Variants in PGGHG observed in about 807,000 individuals in gnomAD.
PGGHG encodes the protein ATH1, acid trehalase-like 1.
Under a neutral mutation model 74.5 loss-of-function variants are expected in PGGHG, and 67 were observed. The ratio of observed to expected loss-of-function variants is 0.90; its 90% CI spans 0.74 to 1.10. The LOEUF is 1.10. Ranked by LOEUF, PGGHG falls within the 50% of genes least tolerant of loss-of-function variation. PGGHG has a pLI of 0.00. For synonymous variants in PGGHG, 496 were observed against 419.9 expected (o/e 1.18, Z -2.21); for missense variants, 1,034 against 981.5 (o/e 1.05, Z -0.72).
rs1564841015 is a variant in PGGHG, at chr11:292,587, G to A, written c.1068G>A (p.Glu356=). ...FAWESADSGL[E]VCPEDIYGVQ... ...GGGAGAGTGCAGACTCCGGCCTAGA[G>A]GTTTGCCCTGAGGACATTTACGGAG... The change falls in exon 6 of 14, where the codon GAG becomes GAA. Residue 356 remains glutamate (E), a synonymous_variant. Coordinates refer to ENST00000409548, the MANE Select transcript of PGGHG (RefSeq NM_025092.5). The A allele has an allele frequency of 6.2e-7, 1 of 1,613,640 alleles. No homozygotes were observed. The highest frequency in any genetic ancestry group is 1.1e-5 in the South Asian group (1 of 91,090).
chr11:292,967 A>G lies in PGGHG; in HGVS notation c.1240A>G (p.Ser414Gly), dbSNP rs1845770195. The G allele has an allele frequency of 6.2e-7, 1 of 1,613,390 alleles. No homozygotes were observed. Among genetic ancestry groups the G allele is most frequent in the Admixed American group, 1.7e-5 (1 of 59,900 alleles). Reference protein sequence around the residue: ...AEFWCSRVEWSPREEKYHLRG... With the variant: ...AEFWCSRVEWGPREEKYHLRG... ...GTTTTGGTGCAGTCGTGTTGAGTGG[A>G]GCCCCAGGGAGGAAAAGTACCACCT... The change falls in exon 7 of 14, where the codon AGC becomes GGC. Residue 414 changes from serine to glycine, a missense_variant. Ser to Gly is a moderately conservative substitution (Grantham distance 56, BLOSUM62 0). Transcript: ENST00000409548.
At position 291,981 on chromosome 11, in the gene PGGHG, C is replaced by G. The variant is rs767709994; in HGVS notation, c.912C>G (p.Leu304=). The part of the protein sequence containing the change: ...YWGHVFWDQD[L]WMFPSILMFH... ...ACGAGGGACCGTGCTCTCAGGACCT[C>G]TGGATGTTCCCGAGTATCCTGATGT... Residue 304 remains leucine, a synonymous_variant, in exon 5 of 14, where the codon CTC becomes CTG. Coordinates refer to ENST00000409548, the MANE Select transcript of PGGHG (RefSeq NM_025092.5). The G allele has an allele frequency of 9.3e-6, 15 of 1,609,500 alleles. No homozygotes were observed. In the African/African-American group the frequency reaches 2.0e-4, roughly 22 times the overall value.
Position 294,291 on chromosome 11 carries a change from T to C in PGGHG, c.1833T>C (p.Phe611=). The C allele has an allele frequency of 6.2e-7, 1 of 1,610,982 alleles. No homozygotes were observed. Among genetic ancestry groups the C allele is most frequent in the Non-Finnish European group, 8.5e-7 (1 of 1,178,720 alleles). Reference sequence around the variant, plus strand: ...GGGTCACCCGAGCGGGTGTGACCTTTGACCCTGTGTGTCTGTCGGGGATCT... The same window carrying C: ...GGGTCACCCGAGCGGGTGTGACCTTCGACCCTGTGTGTCTGTCGGGGATCT... ...GFRVTRAGVT[F]DPVCLSGISR... The change falls in exon 13 of 14, where the codon TTT becomes TTC. Residue 611 remains phenylalanine (F), a synonymous_variant. Coordinates refer to ENST00000409548, the MANE Select transcript of PGGHG (RefSeq NM_025092.5).
chr11:291,194 G>T, intron 4 of PGGHG, 81 bp downstream of exon 4: 1 of 1,461,458 alleles, frequency 6.8e-7, no homozygotes, highest in Non-Finnish European at 9.2e-7. Flanking sequence ...TGGGACCAGG[G>T]CTATGGTTGG....
rs1845749762 is a variant in PGGHG at position 292,417 on chromosome 11, A to G, written c.1027-129A>G. On this transcript the variant is annotated intron_variant, in intron 5 of 13. Coordinates refer to ENST00000409548, the MANE Select transcript of PGGHG (RefSeq NM_025092.5). ...CGTGAGGACGTGCAGTGGGCCTTCTAGCAGTAGCACCCGCCAGGGTACCTG... is the reference window on the plus strand; with the variant it reads ...CGTGAGGACGTGCAGTGGGCCTTCTGGCAGTAGCACCCGCCAGGGTACCTG... The G allele has an allele frequency of 4.1e-6, 5 of 1,226,832 alleles. No homozygotes were observed. The East Asian group carries it at 1.2e-4, about 30-fold the overall frequency. 76.0% of individuals were successfully genotyped at this position (1,226,832 alleles called of 1,614,324 possible).
At position 294,083 on chromosome 11, in the gene PGGHG, G is replaced by GTGGA; in HGVS notation, c.1711-16_1711-15insTGGA. 2 of 1,595,534 alleles carry GTGGA rather than the reference G, an allele frequency of 1.3e-6. No individual in the cohort carries two copies. The highest frequency in any genetic ancestry group is 1.1e-5 in the South Asian group (1 of 88,606). ...TGACCTGGGGGTCCTGGTGTCAGCT[G>GTGGA]CCCTTGCCCCTGCAGGTGTGGACGG... On this transcript the variant is annotated splice_polypyrimidine_tract_variant and intron_variant, in intron 11 of 13. Coordinates refer to ENST00000409548, the MANE Select transcript of PGGHG (RefSeq NM_025092.5).
intron 5 of PGGHG, among the ~76,000 whole-genome samples, chr11:292,328 G>A (rs908306941): frequency 1.4e-4 from 21 of 152,098 alleles, no homozygotes; most frequent in African/African-American, 5.1e-4. Flanking sequence ...ACCCCCTGGG[G>A]TGCCCTTGCT....
In PGGHG at chr11:290,668, G is replaced by A. The variant is rs775861335; in HGVS notation, c.471-10G>A. Reference sequence around the variant, plus strand: ...GAGCTCATCCCTGAGGCATGGCCACGCTCTCACAGGTACCTGTATGGCCAC... The same window carrying A: ...GAGCTCATCCCTGAGGCATGGCCACACTCTCACAGGTACCTGTATGGCCAC... On this transcript the variant is annotated splice_polypyrimidine_tract_variant and intron_variant, in intron 3 of 13. Coordinates refer to ENST00000409548, the MANE Select transcript of PGGHG (RefSeq NM_025092.5). 5.3e-5 allele frequency: 85 copies of A among 1,609,142 alleles called. No homozygotes were observed. The Middle Eastern group carries it at 1.0e-3, about 19-fold the overall frequency.
Position 290,777 on chromosome 11 carries a change from G to A in PGGHG, c.570G>A (p.Gly190=), listed in dbSNP as rs1274017518. The A allele has an allele frequency of 6.2e-7, 1 of 1,612,692 alleles. No individual in the cohort carries two copies. Among genetic ancestry groups the A allele is most frequent in the Non-Finnish European group, 8.5e-7 (1 of 1,179,834 alleles). ...CAGCACCCCCAGACCTGACCCTTGGGGAAGGTGAGGAGGCTAGGACGTGGG... is the reference window on the plus strand; with the variant it reads ...CAGCACCCCCAGACCTGACCCTTGGAGAAGGTGAGGAGGCTAGGACGTGGG... The part of the protein sequence containing the change: ...WTPAPPDLTL[G]EGEEARTWDF... Residue 190 remains glycine (G), a synonymous_variant, in exon 4 of 14, where the codon GGG becomes GGA. Transcript: ENST00000409548.
chr11:294,417 C>G lies in PGGHG; in HGVS notation c.1959C>G (p.Pro653=). The G allele has an allele frequency of 6.2e-7, 1 of 1,613,098 alleles. No homozygotes were observed. Among genetic ancestry groups the G allele is most frequent in the South Asian group, 1.1e-5 (1 of 91,076 alleles). The change falls in exon 13 of 14, where the codon CCC becomes CCG. Residue 653 remains proline (P), a synonymous_variant. Coordinates refer to ENST00000409548, the MANE Select transcript of PGGHG (RefSeq NM_025092.5). ...VTVEVTARAG[P]WAPHLEAELW... ...TGGAGGTCACAGCTCGAGCAGGGCC[C>G]TGGGCTCCTCACCTGGAGGCTGAGC...
chr11:290,104 GC>G, intron 2 of PGGHG, 29 bp downstream of exon 2: 1 of 1,500,246 alleles, frequency 6.7e-7, no homozygotes. Flanking sequence ...CCTCACCCCT[GC>G]CCCAGGCATT....
At position 294,541 on chromosome 11, in the gene PGGHG, CCT is replaced by C. The variant is rs1412234699; in HGVS notation, c.2021-9_2021-8del. ...CAGGCTGCCCCTCACCCCCAGGCTG[CCT>C]CTCTCCCTGCAGGACACAAGGTCTC... On this transcript the variant is annotated splice_polypyrimidine_tract_variant and intron_variant, in intron 13 of 13. Transcript: ENST00000409548. The C allele has an allele frequency of 6.2e-7, 1 of 1,600,594 alleles. No individual in the cohort carries two copies. The highest frequency in any genetic ancestry group is 1.7e-4 in the Middle Eastern group (1 of 5,978).
rs1206833449 is a variant in PGGHG, at chr11:294,395, A to G, written c.1937A>G (p.Glu646Gly). Residue 646 changes from glutamate to glycine, a missense_variant, in exon 13 of 14, where the codon GAG (glutamate) becomes GGG (glycine). By Grantham distance (98) the Glu-to-Gly change is moderately conservative. Coordinates refer to ENST00000409548, the MANE Select transcript of PGGHG (RefSeq NM_025092.5). ...TTTTCCGAGGACTCCGTGACCGTGG[A>G]GGTCACAGCTCGAGCAGGGCCCTGG... is the stretch of plus-strand genomic sequence containing the variant. ...FSFSEDSVTV[E>G]VTARAGPWAP... 1.2e-6 allele frequency: 2 copies of G among 1,612,192 alleles called. No homozygotes were observed. Among genetic ancestry groups the G allele is most frequent in the Middle Eastern group, 3.3e-4 (2 of 6,060 alleles).
At position 295,052 on chromosome 11, in the gene PGGHG, G is replaced by T; in HGVS notation, c.*303G>T. The T allele has an allele frequency of 3.5e-6, 1 of 283,302 alleles. No homozygotes were observed. 17.5% of individuals were successfully genotyped at this position (283,302 alleles called of 1,614,324 possible). ...GCTCCTGAAGCCGGGGTCTGAGCCT[G>T]CATCACCTCTGGCCTCTCATCCCCC... On this transcript the variant is annotated 3_prime_UTR_variant, in exon 14 of 14. Transcript: ENST00000409548.
chr11:291,532 G>A lies in PGGHG; in HGVS notation c.906+419G>A, dbSNP rs973646037. 4.4e-5 allele frequency: 11 copies of A among 248,702 alleles called. No individual in the cohort carries two copies. The Admixed American group carries it at 4.5e-4, about 10-fold the overall frequency. The allele number at this position is 248,702 out of a possible 1,614,324, so 15.4% of individuals were successfully genotyped here. A position where few individuals can be genotyped will look rare whatever the true frequency, so the allele number is the denominator to read the frequency against. On this transcript the variant is annotated intron_variant, in intron 4 of 13. Coordinates refer to ENST00000409548, the MANE Select transcript of PGGHG (RefSeq NM_025092.5). ...GGTACTGGAGGCCGACGGGGGTGACGGGGACGCTGAGGGCACAGAGCGGAG... is the reference window on the plus strand; with the variant it reads ...GGTACTGGAGGCCGACGGGGGTGACAGGGACGCTGAGGGCACAGAGCGGAG...
chr11:291,252 A>C lies in PGGHG; in HGVS notation c.906+139A>C, dbSNP rs1472329418. The C allele has an allele frequency of 4.5e-6, 5 of 1,110,332 alleles. No homozygotes were observed. The East Asian group carries it at 1.3e-4, about 28-fold the overall frequency. The allele number at this position is 1,110,332 out of a possible 1,614,324, so 68.8% of individuals were successfully genotyped here. A position where few individuals can be genotyped will look rare whatever the true frequency, so the allele number is the denominator to read the frequency against. On this transcript the variant is annotated intron_variant, in intron 4 of 13. Coordinates refer to ENST00000409548, the MANE Select transcript of PGGHG (RefSeq NM_025092.5). ...AAGGGAAGAGGCCTGGAAGGTGTGC[A>C]GGAGTTTGGTAGAGGAGTGATCTAG...
At chr11:294,068 G>T (rs778489159) in intron 11 of PGGHG, 31 bp from the exon 12 acceptor site, 1 of 1,587,242 alleles carries the variant, frequency 6.3e-7, no homozygotes, top group East Asian at 2.2e-5. Context: ...TGACCTGGGG[G>T]TCCTGGTGTC....
In PGGHG at chr11:291,064, C is replaced by T. The variant is rs1334439514; in HGVS notation, c.857C>T (p.Ser286Phe). Residue 286 changes from serine (S) to phenylalanine (F), a missense_variant, in exon 4 of 14, where the codon TCC becomes TTC. By Grantham distance (155) the Ser-to-Phe change is radical. Transcript: ENST00000409548. ...ICHGLSPGGLSNGSREECYWG... is the reference protein window; with the variant it reads ...ICHGLSPGGLFNGSREECYWG... The stretch of plus-strand genomic sequence containing the variant: ...CATGGCCTCAGTCCTGGGGGCCTCT[C>T]CAATGGGAGCCGTGAGGAATGCTAC... 1 of 1,606,928 alleles carries T rather than the reference C, an allele frequency of 6.2e-7. No homozygotes were observed. Among genetic ancestry groups the T allele is most frequent in the East Asian group, 2.2e-5 (1 of 44,746 alleles).
Position 291,366 on chromosome 11 carries a change from AG to A in PGGHG, c.906+256del. On this transcript the variant is annotated intron_variant, in intron 4 of 13. Transcript: ENST00000409548. ...GGGAGGGGCCTCCACCAAGGCGAGA[AG>A]GGCTGCAGGTCCAGATCACCAGCGT... is the stretch of plus-strand genomic sequence containing the variant. The A allele has an allele frequency of 6.2e-6, 3 of 481,734 alleles. No homozygotes were observed. In the East Asian group the frequency reaches 9.8e-5, roughly 16 times the overall value. 29.8% of individuals were successfully genotyped at this position (481,734 alleles called of 1,614,324 possible).
Sources: allele counts gnomAD v4.1 joint callset (sites outside exome capture counted in the v4.1 genomes callset), GRCh38; gene constraint gnomAD v4.1.1; transcripts MANE v1.5; gene names NCBI Gene and HGNC (gene_info 2026-07-23, HGNC 2026-07-21).